The following L2HGDH variants were observed in gnomAD, a reference collection of about 807,000 sequenced individuals.
L2HGDH encodes L-2-hydroxyglutarate dehydrogenase, mitochondrial.
In L2HGDH, 34 loss-of-function variants were observed where a neutral mutation model predicts 51.5. The observed-to-expected ratio is 0.66, with a 90% CI of 0.50 to 0.88. The LOEUF (loss-of-function observed/expected upper bound fraction) is 0.88. Among genes scored for constraint, L2HGDH ranks in the 40% least tolerant of loss-of-function variants. L2HGDH has a pLI of 0.00. For synonymous variants in L2HGDH, 198 were observed against 197.9 expected, an observed-to-expected ratio of 1.00 and a Z score of -0.01; for missense variants, 558 against 571.9, an observed-to-expected ratio of 0.98 and a Z score of 0.25.
chr14:50,263,330 C>T (rs910154555), intron 9 of L2HGDH, among the ~76,000 whole-genome samples: 1 of 152,194 alleles, frequency 6.6e-6, no homozygotes, highest in South Asian at 2.1e-4. Context: ...TATTTTTATC[C>T]CTTCTATTTC....
intron 5 of L2HGDH, 82 bp downstream of exon 5, chr14:50,283,789 T>C (rs1368976205): frequency 8.8e-7 from 1 of 1,132,310 alleles, no homozygotes; most frequent in Non-Finnish European, 1.3e-6. Flanking sequence ...TTTTTCATCC[T>C]CAGTTGGTTA....
chr14:50,269,047 C>A, intron 7 of L2HGDH, 116 bp downstream of exon 7: 6 of 784,594 alleles, frequency 7.6e-6, no homozygotes, highest in Non-Finnish European at 1.3e-5. Context: ...GAAATGCTTA[C>A]AAAAACGGTC....
intron 5 of L2HGDH, among the ~76,000 whole-genome samples, chr14:50,280,571 G>A (rs188193721): frequency 8.5e-5 from 13 of 152,220 alleles, no homozygotes; most frequent in South Asian, 6.2e-4. Context: ...TACTGACTAC[G>A]TTTGCCATTT....
At chr14:50,306,602 T>C (rs1470655050) in intron 1 of L2HGDH, among the ~76,000 whole-genome samples, 3 of 34,478 alleles carry the variant, frequency 8.7e-5, no homozygotes, top group African/African-American at 2.3e-4. Context: ...GTTTTGGGGT[T>C]TTTTTTTTTT....
At chr14:50,305,483 A>G (rs1566541725) in intron 1 of L2HGDH, among the ~76,000 whole-genome samples, 1 of 152,216 alleles carries the variant, frequency 6.6e-6, no homozygotes, top group Non-Finnish European at 1.5e-5. Context: ...AGTTCAGTGG[A>G]TAAAAGGTAA....
chr14:50,264,057 A>G (rs1005605958), intron 9 of L2HGDH, among the ~76,000 whole-genome samples: 1 of 150,256 alleles, frequency 6.7e-6, no homozygotes, highest in Admixed American at 6.6e-5. Flanking sequence ...TGCAGGTGTG[A>G]GCCGCCGTGC....
chr14:50,269,066 T>G, intron 7 of L2HGDH, 97 bp downstream of exon 7: 4 of 1,083,018 alleles, frequency 3.7e-6, no homozygotes, highest in East Asian at 5.1e-5. Context: ...TCCTTCAAAA[T>G]TTCTCTTATT....
At chr14:50,265,134 C>T (rs963217612) in intron 9 of L2HGDH, among the ~76,000 whole-genome samples, 4 of 152,076 alleles carry the variant, frequency 2.6e-5, no homozygotes, top group Admixed American at 6.6e-5. Flanking sequence ...GTAAGGCAGT[C>T]TAGATAATTA....
intron 9 of L2HGDH, among the ~76,000 whole-genome samples, chr14:50,257,560 A>G (rs1409566162): frequency 2.6e-5 from 4 of 152,094 alleles, no homozygotes; most frequent in South Asian, 4.1e-4. Context: ...TTGTAGAGAC[A>G]GGATCTTACT....
chr14:50,288,150 G>T (rs1285286123), intron 4 of L2HGDH, among the ~76,000 whole-genome samples: 1 of 152,028 alleles, frequency 6.6e-6, no homozygotes, highest in Non-Finnish European at 1.5e-5. Flanking sequence ...CTGGGTTTTT[G>T]AAAATATGTG....
At chr14:50,279,598 G>T (rs1890149472) in intron 5 of L2HGDH, among the ~76,000 whole-genome samples, 1 of 151,770 alleles carries the variant, frequency 6.6e-6, no homozygotes, top group Non-Finnish European at 1.5e-5. Context: ...CCAGCATTTT[G>T]GGAGGCCAAG....
chr14:50,299,516 C>A (rs879217968), intron 3 of L2HGDH, among the ~76,000 whole-genome samples: 7 of 151,972 alleles, frequency 4.6e-5, no homozygotes, highest in Non-Finnish European at 1.0e-4. Context: ...AAAGACACAT[C>A]AAAAAAATGA....
rs1888476198 is a variant in L2HGDH at position 50,253,353 on chromosome 14, C to G, written c.1197-6100G>C. Among the ~76,000 whole-genome samples the G allele has an allele frequency of 2.0e-5, 3 of 151,984 alleles. No homozygotes were observed. The South Asian group carries it at 6.2e-4, about 31-fold the overall frequency. ...CTCTATAGGAAAAAAATTTAATAAT[C>G]CAATTTTAAAAGGGGCAAAATATCT... On this transcript the variant is annotated intron_variant, in intron 9 of 9. Coordinates refer to ENST00000267436, the MANE Select transcript of L2HGDH (RefSeq NM_024884.3).
At chr14:50,267,677 A>G in intron 8 of L2HGDH, 76 bp downstream of exon 8, 1 of 1,077,894 alleles carries the variant, frequency 9.3e-7, no homozygotes, top group Non-Finnish European at 1.4e-6. Context: ...CAATAAGTAG[A>G]GTATCAAGAA....
chr14:50,288,532 G>T (rs950259039), intron 4 of L2HGDH, among the ~76,000 whole-genome samples: 3 of 152,174 alleles, frequency 2.0e-5, no homozygotes, highest in South Asian at 4.1e-4. Context: ...CCTGGTTCAA[G>T]CGATTCTCCT....
chr14:50,311,400 C>G (rs1199315855), intron 1 of L2HGDH: 2 of 455,958 alleles, frequency 4.4e-6, no homozygotes, highest in Non-Finnish European at 8.8e-6. Flanking sequence ...CAAAACCTCT[C>G]CAAGCCTTAC....
intron 9 of L2HGDH, among the ~76,000 whole-genome samples, chr14:50,255,646 G>T (rs1888624819): frequency 6.6e-6 from 1 of 152,022 alleles, no homozygotes; most frequent in African/African-American, 2.4e-5. Context: ...ACCCAAATGT[G>T]CAGATCTGTG....
At chr14:50,259,839 AT>A (rs1410606353) in intron 9 of L2HGDH, among the ~76,000 whole-genome samples, 3 of 151,542 alleles carry the variant, frequency 2.0e-5, no homozygotes. Context: ...TAAAAAAAAA[AT>A]TCTTAAAAAT....
intron 4 of L2HGDH, 75 bp from the exon 5 acceptor site, chr14:50,284,108 A>T (rs912562094): frequency 2.0e-5 from 29 of 1,459,596 alleles, no homozygotes; most frequent in Non-Finnish European, 2.4e-5. Flanking sequence ...TATAATCAAG[A>T]AACAATTTTG....
Sources: gnomAD v4.1 joint callset for allele counts (sites outside exome capture counted in the v4.1 genomes callset) on GRCh38, gnomAD v4.1.1 for gene constraint, MANE v1.5 for transcripts, NCBI Gene and HGNC (gene_info 2026-07-23, HGNC 2026-07-21) for gene names.